JAZF1: variants seen among roughly 807,000 people sequenced by gnomAD.
JAZF1 encodes the protein juxtaposed with another zinc finger protein 1.
Under a neutral mutation model 26.4 loss-of-function variants are expected in JAZF1, and 8 were observed. The ratio of observed to expected loss-of-function variants is 0.30; its 90% CI spans 0.18 to 0.55. The LOEUF is 0.55. JAZF1 is among the 20% of genes least tolerant of loss of function. The probability of loss-of-function intolerance (pLI) is 0.94; values close to 1 mark genes in which losing one functional copy is unlikely to be tolerated. For missense variants in JAZF1, 199 were observed against 322.0 expected (o/e 0.62, Z 2.92); for synonymous variants, 126 against 122.3 (o/e 1.03, Z -0.20).
Position 28,180,481 on chromosome 7 carries a change from T to A in JAZF1, c.97A>T (p.Ile33Phe). The change falls in exon 1 of 5, where the codon ATC becomes TTC. Residue 33 changes from isoleucine to phenylalanine, a missense_variant. Coordinates refer to ENST00000283928, the MANE Select transcript of JAZF1 (RefSeq NM_175061.4). ...CATTTACCGATGTGGTTGTCCTCGA[T>A]GTGCTCGATGAGGTCGGCCAGGGTG... is the stretch of plus-strand genomic sequence containing the variant. ...FPTLADLIEH[I>F]EDNHIDTDPR... 1 of 1,609,926 alleles carries A rather than the reference T, an allele frequency of 6.2e-7. No individual in the cohort carries two copies. The highest frequency in any genetic ancestry group is 8.5e-7 in the Non-Finnish European group (1 of 1,178,460).
chr7:27,887,230 A>C (rs1382157775), intron 3 of JAZF1, among the ~76,000 whole-genome samples: 1 of 151,090 alleles, frequency 6.6e-6, no homozygotes, highest in African/African-American at 2.4e-5. Flanking sequence ...CCCATGACAC[A>C]AGTTTACCTA....
At chr7:27,939,614 A>C (rs528871780) in intron 2 of JAZF1, among the ~76,000 whole-genome samples, 1 of 152,288 alleles carries the variant, frequency 6.6e-6, no homozygotes, top group South Asian at 2.1e-4. Context: ...TGGCAACTTC[A>C]GCAATGAGCC....
chr7:27,993,740 G>A (rs1785954255), intron 1 of JAZF1, among the ~76,000 whole-genome samples: 1 of 152,148 alleles, frequency 6.6e-6, no homozygotes, highest in African/African-American at 2.4e-5. Context: ...ACAGGGCAAT[G>A]TAGAAAATTT....
chr7:27,953,865 GTAACACAGTCAGC>G (rs1290655226), intron 2 of JAZF1, among the ~76,000 whole-genome samples: 4 of 152,182 alleles, frequency 2.6e-5, no homozygotes, highest in Non-Finnish European at 5.9e-5. Context: ...CTGGATAACT[GTAACACAGTCAGC>G]TTCTTACTGG....
chr7:27,950,183 A>C (rs1474396861), intron 2 of JAZF1, among the ~76,000 whole-genome samples: 1 of 152,234 alleles, frequency 6.6e-6, no homozygotes, highest in Non-Finnish European at 1.5e-5. Flanking sequence ...AATATTTTGT[A>C]ATCTGTTAAG....
intron 1 of JAZF1, among the ~76,000 whole-genome samples, chr7:28,179,769 G>A (rs928796189): frequency 4.1e-5 from 6 of 148,132 alleles, no homozygotes; most frequent in African/African-American, 1.5e-4. Flanking sequence ...CCAGGGAGAG[G>A]GCAAGCTCCC....
intron 1 of JAZF1, among the ~76,000 whole-genome samples, chr7:28,162,615 G>A (rs1583593095): frequency 6.6e-6 from 1 of 152,182 alleles, no homozygotes; most frequent in Admixed American, 6.5e-5. Flanking sequence ...TAAAAGGACA[G>A]GTGTTAGAAG....
At chr7:27,853,576 G>A (rs900320690) in intron 3 of JAZF1, among the ~76,000 whole-genome samples, 3 of 152,290 alleles carry the variant, frequency 2.0e-5, no homozygotes, top group South Asian at 2.1e-4. Context: ...TAGAAAATGA[G>A]TGGATACTCA....
At chr7:27,894,391 T>A (rs963222299) in intron 3 of JAZF1, among the ~76,000 whole-genome samples, 12 of 152,198 alleles carry the variant, frequency 7.9e-5, no homozygotes, top group Non-Finnish European at 1.0e-4. Context: ...AATATTTTCT[T>A]TTAAACAACT....
At position 27,895,578 on chromosome 7, in the gene JAZF1, T is replaced by C. The variant is rs73685838; in HGVS notation, c.189-162A>G. On this transcript the variant is annotated intron_variant, in intron 2 of 4. Transcript: ENST00000283928. ...CAACAGCTTCCCTTTTCCAATGCAATGGAATTATCTTCTAGCTTGTTATTT... is the reference window on the plus strand; with the variant it reads ...CAACAGCTTCCCTTTTCCAATGCAACGGAATTATCTTCTAGCTTGTTATTT... Among the ~76,000 whole-genome samples the C allele has an allele frequency of 7.9e-3, 1,209 of 152,220 alleles. 16 individuals are homozygous for C. The highest frequency in any genetic ancestry group is 0.027 in the African/African-American group (1,142 of 41,542).
At chr7:27,987,335 T>C (rs1167931927) in intron 2 of JAZF1, among the ~76,000 whole-genome samples, 1 of 149,880 alleles carries the variant, frequency 6.7e-6, no homozygotes. Flanking sequence ...GGAGTGTCTC[T>C]GCCCGACCGC....
intron 1 of JAZF1, among the ~76,000 whole-genome samples, chr7:28,093,924 A>G (rs2127923750): frequency 1.3e-5 from 2 of 152,358 alleles, no homozygotes; most frequent in Middle Eastern, 6.8e-3. Context: ...GGGAGGGAAG[A>G]ATGCATTCAG....
intron 1 of JAZF1, chr7:27,992,336 T>A (rs144552599): frequency 2.5e-6 from 1 of 407,658 alleles, no homozygotes; most frequent in Non-Finnish European, 4.9e-6. Flanking sequence ...TTAATTATGC[T>A]CACTTCAATG....
At chr7:27,893,984 G>T (rs1303505403) in intron 3 of JAZF1, among the ~76,000 whole-genome samples, 2 of 152,228 alleles carry the variant, frequency 1.3e-5, no homozygotes, top group Non-Finnish European at 1.5e-5. Context: ...AATTGTTACA[G>T]ATCCAAGCTC....
chr7:27,980,284 A>G (rs2128361945), intron 2 of JAZF1, among the ~76,000 whole-genome samples: 2 of 152,310 alleles, frequency 1.3e-5, no homozygotes, highest in African/African-American at 4.8e-5. Context: ...AGGCTGTACG[A>G]CACATAGCAT....
chr7:27,910,355 A>G (rs1014607821), intron 2 of JAZF1, among the ~76,000 whole-genome samples: 2 of 152,158 alleles, frequency 1.3e-5, no homozygotes, highest in Non-Finnish European at 2.9e-5. Flanking sequence ...GGTTATCTGG[A>G]AAAAAATTCA....
At chr7:28,069,274 A>C (rs1403047510) in intron 1 of JAZF1, among the ~76,000 whole-genome samples, 1 of 152,236 alleles carries the variant, frequency 6.6e-6, no homozygotes, top group African/African-American at 2.4e-5. Context: ...CTTCCTCACC[A>C]ATCAGCTGTT....
chr7:27,896,730 C>G (rs1227934318), intron 2 of JAZF1, among the ~76,000 whole-genome samples: 1 of 152,218 alleles, frequency 6.6e-6, no homozygotes, highest in Non-Finnish European at 1.5e-5. Context: ...AACAGTAATA[C>G]TGTTACGCTG....
intron 2 of JAZF1, among the ~76,000 whole-genome samples, chr7:27,952,421 C>A (rs1785026032): frequency 6.6e-6 from 1 of 152,240 alleles, no homozygotes; most frequent in Non-Finnish European, 1.5e-5. Flanking sequence ...AATAGGGGAC[C>A]TTTCCCCACT....
Sources: allele counts gnomAD v4.1 joint callset (sites outside exome capture counted in the v4.1 genomes callset), GRCh38; gene constraint gnomAD v4.1.1; transcripts MANE v1.5; gene names NCBI Gene and HGNC (gene_info 2026-07-23, HGNC 2026-07-21).